SLC29A1: variants seen among roughly 807,000 people sequenced by gnomAD.
SLC29A1 encodes solute carrier family 29 member 1 (Augustine blood group).
In SLC29A1, 22 loss-of-function variants were observed where a neutral mutation model predicts 48.3. The ratio of observed to expected loss-of-function variants is 0.46; its 90% CI spans 0.33 to 0.65. The LOEUF is 0.65. SLC29A1 is among the 30% of genes least tolerant of loss of function. The pLI, the probability that SLC29A1 is intolerant of heterozygous loss-of-function variation, is 0.03. For synonymous variants in SLC29A1, 228 were observed against 231.0 expected, an observed-to-expected ratio of 0.99 and a Z score of 0.12; for missense variants, 491 against 575.3, an observed-to-expected ratio of 0.85 and a Z score of 1.50.
chr6:44,224,031 C>T (rs1776900135), intron 1 of SLC29A1: 14 of 39,124 alleles, frequency 3.6e-4, no homozygotes, highest in Non-Finnish European at 4.2e-4. Context: ...GATGGAGGCT[C>T]GCGAGCGGAG....
upstream of SLC29A1, among the ~76,000 whole-genome samples, chr6:44,220,833 G>GAA (rs78020200): frequency 8.8e-4 from 129 of 146,748 alleles, no homozygotes; most frequent in South Asian, 6.3e-3. Flanking sequence ...TTAAAGAAAA[G>GAA]AAAAAAAAAA....
In SLC29A1 at chr6:44,230,634, C is replaced by A; in HGVS notation, c.656C>A (p.Thr219Asn). 1 of 1,613,682 alleles carries A rather than the reference C, an allele frequency of 6.2e-7. No homozygotes were observed. Among genetic ancestry groups the A allele is most frequent in the Non-Finnish European group, 8.5e-7 (1 of 1,179,938 alleles). The change falls in exon 7 of 13, where the codon ACC becomes AAC. Residue 219 changes from threonine (T) to asparagine (N), a missense_variant. Coordinates refer to ENST00000371755, the MANE Select transcript of SLC29A1 (RefSeq NM_001372327.1). Reference sequence around the variant, plus strand: ...ACAGCCTGTGCTGTTATCATTTTGACCATCATCTGTTACCTGGGCCTGCCC... The same window carrying A: ...ACAGCCTGTGCTGTTATCATTTTGAACATCATCTGTTACCTGGGCCTGCCC... ...FITACAVIIL[T>N]IICYLGLPRL...
chr6:44,225,507 CAAAAAAAAAAAAAA>C (rs35204127), intron 1 of SLC29A1, among the ~76,000 whole-genome samples: 1 of 102,844 alleles, frequency 9.7e-6, no homozygotes, highest in African/African-American at 3.8e-5. Context: ...AACTCCGTCT[CAAAAAAAAAAAAAA>C]AAAGAAAAAA....
intron 1 of SLC29A1, chr6:44,226,124 G>C: frequency 1.0e-6 from 1 of 985,382 alleles, no homozygotes; most frequent in Non-Finnish European, 1.2e-6. Flanking sequence ...GACTGCCCAG[G>C]CTTGCTCTGC....
At chr6:44,223,178 G>C (rs1175871549), upstream of SLC29A1, among the ~76,000 whole-genome samples, 1 of 152,158 alleles carries the variant, frequency 6.6e-6, no homozygotes, top group Non-Finnish European at 1.5e-5. The surrounding 1 kb of genome is among the most constrained non-coding windows in gnomAD (Gnocchi z 5.0). Context: ...GCGCGGCGTG[G>C]GCAGGGCTTG....
intron 9 of SLC29A1, 55 bp downstream of exon 9, chr6:44,231,516 T>C (rs1251659198): frequency 6.9e-6 from 8 of 1,156,930 alleles, no homozygotes; most frequent in Non-Finnish European, 8.9e-6. Flanking sequence ...CTCTCCTCCT[T>C]TTGCTCCCTC....
chr6:44,232,293 T>G lies in SLC29A1; in HGVS notation c.974-50T>G. Reference sequence around the variant, plus strand: ...GAGGCCCAGTGAAGGTTAGGCTTGCTATACCTGCCTCTGTGAGCCTGATAA... The same window carrying G: ...GAGGCCCAGTGAAGGTTAGGCTTGCGATACCTGCCTCTGTGAGCCTGATAA... On this transcript the variant is annotated intron_variant, in intron 10 of 12. Coordinates refer to ENST00000371755, the MANE Select transcript of SLC29A1 (RefSeq NM_001372327.1). The surrounding 1 kb of genome is among the most constrained non-coding windows in gnomAD (Gnocchi z 4.7). 1 of 1,362,450 alleles carries G rather than the reference T, an allele frequency of 7.3e-7. No homozygotes were observed. The highest frequency in any genetic ancestry group is 1.1e-6 in the Non-Finnish European group (1 of 950,426). The allele number at this position is 1,362,450 out of a possible 1,614,324, so 84.4% of individuals were successfully genotyped here. A position where few individuals can be genotyped will look rare whatever the true frequency, so the allele number is the denominator to read the frequency against.
upstream of SLC29A1, among the ~76,000 whole-genome samples, chr6:44,222,778 G>A (rs1776606240): frequency 6.6e-6 from 1 of 152,236 alleles, no homozygotes; most frequent in South Asian, 2.1e-4. Context: ...GGATGGCTGG[G>A]ACAATAGGAT....
chr6:44,220,590 G>A (rs1277282807), upstream of SLC29A1, among the ~76,000 whole-genome samples: 7 of 151,244 alleles, frequency 4.6e-5, no homozygotes, highest in South Asian at 2.1e-4. Context: ...CAAGGCGGGC[G>A]GATCACAAGG....
In SLC29A1 at chr6:44,232,100, A is replaced by G; in HGVS notation, c.967A>G (p.Thr323Ala). The G allele has an allele frequency of 1.9e-6, 3 of 1,612,180 alleles. No individual in the cohort carries two copies. Among genetic ancestry groups the G allele is most frequent in the Non-Finnish European group, 2.5e-6 (3 of 1,178,284 alleles). Residue 323 changes from threonine (T) to alanine (A), a missense_variant, in exon 10 of 13, where the codon ACC becomes GCC. Physicochemically the swap from Thr to Ala is moderately conservative, Grantham distance 58. Coordinates refer to ENST00000371755, the MANE Select transcript of SLC29A1 (RefSeq NM_001372327.1). This position sits in a 1 kb window ranked among gnomAD's most constrained non-coding sequence, Gnocchi z 4.7. ...EVKSSIAGSS[T>A]WERYFIPVSC... The stretch of plus-strand genomic sequence containing the variant: ...CAAGTCCAGCATCGCAGGCAGCAGC[A>G]CCTGGGGTGAGGATGCCACAGGTTT...
At chr6:44,231,965 A>T (rs749516586) in intron 9 of SLC29A1, 33 bp from the exon 10 acceptor site, 1 of 1,470,634 alleles carries the variant, frequency 6.8e-7, no homozygotes, top group Non-Finnish European at 9.5e-7. Flanking sequence ...ATGAAGACAC[A>T]GGCATTTGGG....
Position 44,223,839 on chromosome 6 carries a change from G to C in SLC29A1, c.-52+198G>C. The C allele has an allele frequency of 2.0e-6, 2 of 1,001,222 alleles. No individual in the cohort carries two copies. The highest frequency in any genetic ancestry group is 2.4e-6 in the Non-Finnish European group (2 of 839,826). The allele number at this position is 1,001,222 out of a possible 1,614,324, so 62.0% of individuals were successfully genotyped here. The stretch of plus-strand genomic sequence containing the variant: ...ACGGGCCAGGGAGCCTGAGGACCCT[G>C]CGGGGACCGGGACCCAAGCTGGGCG... On this transcript the variant is annotated intron_variant, in intron 1 of 12. Transcript: ENST00000371755. The surrounding 1 kb of genome is among the most constrained non-coding windows in gnomAD (Gnocchi z 5.0).
chr6:44,230,047 G>A lies in SLC29A1; in HGVS notation c.454+1G>A. Reference sequence around the variant, plus strand: ...ATGATCAAGATCGTGCTCATTAATTGTAAGCTGGGCCAGGAGGGGGCCTAT... The same window carrying A: ...ATGATCAAGATCGTGCTCATTAATTATAAGCTGGGCCAGGAGGGGGCCTAT... On this transcript the variant is annotated splice_donor_variant, in intron 5 of 12. Coordinates refer to ENST00000371755, the MANE Select transcript of SLC29A1 (RefSeq NM_001372327.1). LOFTEE classifies it high-confidence loss of function. The A allele has an allele frequency of 6.2e-7, 1 of 1,605,302 alleles. No homozygotes were observed. Among genetic ancestry groups the A allele is most frequent in the East Asian group, 2.2e-5 (1 of 44,882 alleles).
chr6:44,228,820 T>C (rs1778170682), intron 2 of SLC29A1, among the ~76,000 whole-genome samples: 1 of 152,188 alleles, frequency 6.6e-6, no homozygotes, highest in Admixed American at 6.5e-5. Flanking sequence ...ACTACAAAGT[T>C]CTATTTGGCC....
At chr6:44,230,160 A>T (rs1365965458) in intron 5 of SLC29A1, 114 bp downstream of exon 5, 3 of 1,510,010 alleles carry the variant, frequency 2.0e-6, no homozygotes, top group Non-Finnish European at 2.7e-6. Context: ...GAGGGAGTGG[A>T]TGCTGTGAGC....
chr6:44,226,059 A>G, intron 1 of SLC29A1: 1 of 977,688 alleles, frequency 1.0e-6, no homozygotes, highest in Non-Finnish European at 1.2e-6. Flanking sequence ...ATCCGCACCC[A>G]GGAGCCCGTG....
At chr6:44,231,294 T>G (rs1778808656) in intron 8 of SLC29A1, 70 bp from the exon 9 acceptor site, 1 of 1,020,128 alleles carries the variant, frequency 9.8e-7, no homozygotes, top group Admixed American at 2.0e-5. Context: ...CCAGCCGTTT[T>G]GGGGAATGTT....
intron 1 of SLC29A1, chr6:44,226,993 G>T: frequency 1.7e-6 from 2 of 1,201,654 alleles, no homozygotes; most frequent in East Asian, 4.2e-5. Context: ...AAACTGCTTC[G>T]GCTGCTGGAT....
chr6:44,220,304 A>C (rs538857455), upstream of SLC29A1, among the ~76,000 whole-genome samples: 1 of 151,668 alleles, frequency 6.6e-6, no homozygotes, highest in African/African-American at 2.4e-5. Context: ...CAGCCTCCCA[A>C]AATGCCAGGA....
Sources: allele counts gnomAD v4.1 joint callset (sites outside exome capture counted in the v4.1 genomes callset), GRCh38; gene constraint gnomAD v4.1.1; non-coding constraint Gnocchi (gnomAD v3.1); transcripts MANE v1.5; gene names NCBI Gene and HGNC (gene_info 2026-07-23, HGNC 2026-07-21).